The following COX16 variants were observed in gnomAD, a reference collection of about 807,000 sequenced individuals.
The protein encoded by COX16 is cytochrome c oxidase assembly factor COX16.
In COX16, 12 loss-of-function variants were observed where a neutral mutation model predicts 15.4. The ratio of observed to expected loss-of-function variants is 0.78; its 90% CI spans 0.50 to 1.26. COX16 has a LOEUF of 1.26. COX16 is among the 50% of genes most tolerant of loss of function. The probability of loss-of-function intolerance (pLI) is 0.00; values close to 1 mark genes in which losing one functional copy is unlikely to be tolerated. For missense variants in COX16, 124 were observed against 127.6 expected, an observed-to-expected ratio of 0.97 and a Z score of 0.14; for synonymous variants, 46 against 41.1, an observed-to-expected ratio of 1.12 and a Z score of -0.46.
At chr14:70,330,390 C>T (rs753572415) in intron 2 of COX16, among the ~76,000 whole-genome samples, 1 of 152,156 alleles carries the variant, frequency 6.6e-6, no homozygotes, top group Non-Finnish European at 1.5e-5. Flanking sequence ...TGAATAACCT[C>T]ACACAAAGAA....
Position 70,349,794 on chromosome 14 carries a change from T to C in COX16, c.70-7065A>G, listed in dbSNP as rs1886891794. On this transcript the variant is annotated intron_variant, in intron 1 of 3. Coordinates refer to ENST00000389912, the MANE Select transcript of COX16 (RefSeq NM_016468.7). ...GACTCTGAGCCCTTCAGGAATTACCTTCCCTCCTTAATCCAGACAGGGTCT... is the reference window on the plus strand; with the variant it reads ...GACTCTGAGCCCTTCAGGAATTACCCTCCCTCCTTAATCCAGACAGGGTCT... Among the ~76,000 whole-genome samples, 5 of 152,318 alleles carry C rather than the reference T, an allele frequency of 3.3e-5. No homozygotes were observed. In the South Asian group the frequency reaches 8.3e-4, roughly 25 times the overall value.
intron 2 of COX16, among the ~76,000 whole-genome samples, chr14:70,339,644 A>G (rs1301970535): frequency 6.6e-6 from 1 of 152,076 alleles, no homozygotes; most frequent in Non-Finnish European, 1.5e-5. Context: ...AACCACTATC[A>G]GCCTCAAACA....
At chr14:70,332,088 T>C (rs1426763492) in intron 2 of COX16, among the ~76,000 whole-genome samples, 1 of 152,216 alleles carries the variant, frequency 6.6e-6, no homozygotes, top group African/African-American at 2.4e-5. Flanking sequence ...CATTTGGCCT[T>C]CAGTCTACAA....
In COX16 at chr14:70,325,400, T is replaced by C. The variant is rs1013147982; in HGVS notation, c.*933A>G. 1 of 152,176 alleles carries C rather than the reference T, an allele frequency of 6.6e-6. No homozygotes were observed. The highest frequency in any genetic ancestry group is 1.5e-5 in the Non-Finnish European group (1 of 68,068). The allele number at this position is 152,176 out of a possible 1,614,324, so 9.4% of individuals were successfully genotyped here. A position where few individuals can be genotyped will look rare whatever the true frequency, so the allele number is the denominator to read the frequency against. On this transcript the variant is annotated 3_prime_UTR_variant, in exon 4 of 4. Transcript: ENST00000389912. ...ATGGAGACCATCCTGGCTAACGTGG[T>C]GAAACCCCATCTCTACTAAATACAA...
In COX16 at chr14:70,336,654, G is replaced by A. The variant is rs550879617; in HGVS notation, c.141+6004C>T. Among the ~76,000 whole-genome samples the A allele has an allele frequency of 3.8e-3, 577 of 152,300 alleles. 7 individuals are homozygous for A. The highest frequency in any genetic ancestry group is 0.013 in the African/African-American group (557 of 41,556). ...CAAATGACCTACTGTTGGTGGGCAC[G>A]AGGAACTGACTGTATTATTGAGAGA... is the stretch of plus-strand genomic sequence containing the variant. On this transcript the variant is annotated intron_variant, in intron 2 of 3. Transcript: ENST00000389912.
In COX16 at chr14:70,325,586, AAAC is replaced by A; in HGVS notation, c.*744_*746del. On this transcript the variant is annotated 3_prime_UTR_variant, in exon 4 of 4. Coordinates refer to ENST00000389912, the MANE Select transcript of COX16 (RefSeq NM_016468.7). Reference sequence around the variant, plus strand: ...CAGAGCGAGACTATGTCTCAAAACAAAACAAAAACACTAGAGGGCAATTTTGCA... The same window carrying A: ...CAGAGCGAGACTATGTCTCAAAACAAAAAAACACTAGAGGGCAATTTTGCA... The A allele has an allele frequency of 6.6e-6, 1 of 152,324 alleles. No individual in the cohort carries two copies. Among genetic ancestry groups the A allele is most frequent in the East Asian group, 1.9e-4 (1 of 5,188 alleles). The allele number at this position is 152,324 out of a possible 1,614,324, so 9.4% of individuals were successfully genotyped here. A position where few individuals can be genotyped will look rare whatever the true frequency, so the allele number is the denominator to read the frequency against.
At chr14:70,347,108 T>C (rs765546039) in intron 1 of COX16, among the ~76,000 whole-genome samples, 26 of 151,834 alleles carry the variant, frequency 1.7e-4, no homozygotes, top group Non-Finnish European at 2.9e-4. Context: ...GTCCACCCAG[T>C]TCCTATCACA....
intron 2 of COX16, among the ~76,000 whole-genome samples, chr14:70,334,356 C>T (rs1458436542): frequency 6.6e-6 from 1 of 152,092 alleles, no homozygotes; most frequent in African/African-American, 2.4e-5. Flanking sequence ...AACCCCGTCT[C>T]TACTAAAATT....
intron 2 of COX16, among the ~76,000 whole-genome samples, chr14:70,336,843 CAAAATTTATCCAATAATCT>C (rs1477831695): frequency 1.3e-5 from 2 of 152,134 alleles, no homozygotes; most frequent in Non-Finnish European, 2.9e-5. Context: ...ATTTTCTGTA[CAAAATTTATCCAATAATCT>C]AAAATTTATC....
chr14:70,359,461 G>T, intron 1 of COX16, 58 bp downstream of exon 1: 1 of 1,473,264 alleles, frequency 6.8e-7, no homozygotes, highest in South Asian at 1.1e-5. Context: ...CCCAGGTCTT[G>T]ATCCTGCCAA....
intron 1 of COX16, 35 bp downstream of exon 1, chr14:70,359,484 C>T: frequency 1.3e-6 from 2 of 1,574,312 alleles, no homozygotes; most frequent in Non-Finnish European, 1.7e-6. Flanking sequence ...AGGAGGGTCC[C>T]ACCCCTTGCG....
intron 1 of COX16, among the ~76,000 whole-genome samples, chr14:70,356,193 T>C (rs943269661): frequency 8.6e-6 from 1 of 115,748 alleles, no homozygotes; most frequent in African/African-American, 3.4e-5. Flanking sequence ...AGACCATTTT[T>C]CCACAGATGG....
chr14:70,326,939 C>T (rs765393152), intron 3 of COX16, among the ~76,000 whole-genome samples: 14 of 152,196 alleles, frequency 9.2e-5, no homozygotes, highest in Non-Finnish European at 1.9e-4. Context: ...AGCTATCTAT[C>T]ATAAGCAAAA....
chr14:70,328,509 C>G (rs906323406), intron 3 of COX16, among the ~76,000 whole-genome samples: 3 of 152,130 alleles, frequency 2.0e-5, no homozygotes, highest in African/African-American at 4.8e-5. Context: ...ATATAGCGTG[C>G]TGTTAAACTC....
intron 2 of COX16, among the ~76,000 whole-genome samples, chr14:70,333,094 TGAA>T (rs1359974775): frequency 6.6e-6 from 1 of 152,158 alleles, no homozygotes; most frequent in Non-Finnish European, 1.5e-5. Flanking sequence ...GAACACCCTC[TGAA>T]GAAGGACAGG....
chr14:70,357,898 T>C (rs1887180212), intron 1 of COX16, among the ~76,000 whole-genome samples: 1 of 152,110 alleles, frequency 6.6e-6, no homozygotes, highest in Non-Finnish European at 1.5e-5. Context: ...GTATATTCCC[T>C]ACCTGAGAGA....
rs554765649 is a variant in COX16 at position 70,356,077 on chromosome 14, T to A, written c.69+3442A>T. Among the ~76,000 whole-genome samples the A allele has an allele frequency of 1.8e-4, 27 of 152,064 alleles. No individual in the cohort carries two copies. The East Asian group carries it at 4.1e-3, about 23-fold the overall frequency. ...ACAGTATGTACAGCCTGCAGAACCA[T>A]GAGCCAAAAGAAAATTCTTTCCTTT... On this transcript the variant is annotated intron_variant, in intron 1 of 3. Coordinates refer to ENST00000389912, the MANE Select transcript of COX16 (RefSeq NM_016468.7).
At chr14:70,335,144 G>A (rs1040844231) in intron 2 of COX16, among the ~76,000 whole-genome samples, 2 of 152,156 alleles carry the variant, frequency 1.3e-5, no homozygotes, top group Admixed American at 6.6e-5. Flanking sequence ...AATTCAGCAA[G>A]AGAATATAAC....
chr14:70,330,153 T>TTC (rs1886236633), intron 2 of COX16, among the ~76,000 whole-genome samples: 1 of 151,928 alleles, frequency 6.6e-6, no homozygotes, highest in Admixed American at 6.6e-5. Context: ...TGAAGTTGAT[T>TTC]AAGAGAAAAA....
Sources: allele counts gnomAD v4.1 joint callset (sites outside exome capture counted in the v4.1 genomes callset), GRCh38; gene constraint gnomAD v4.1.1; transcripts MANE v1.5; gene names NCBI Gene and HGNC (gene_info 2026-07-23, HGNC 2026-07-21).